Variants in ELP6 observed in about 807,000 individuals in gnomAD.
ELP6 encodes elongator complex protein 6.
A neutral mutation model predicts 28.1 loss-of-function variants in ELP6; 23 were observed. The observed-to-expected ratio is 0.82, with a 90% confidence interval of 0.59 to 1.16. The LOEUF (loss-of-function observed/expected upper bound fraction) is 1.16, where lower values mean the gene tolerates loss of function less well. Among genes scored for constraint, ELP6 ranks in the 50% most tolerant of loss-of-function variants. The pLI, the probability that ELP6 is intolerant of heterozygous loss-of-function variation, is 0.00. For synonymous variants in ELP6, 132 were observed against 135.8 expected, an observed-to-expected ratio of 0.97 and a Z score of 0.19; for missense variants, 313 against 334.6, an observed-to-expected ratio of 0.94 and a Z score of 0.50.
intron 6 of ELP6, chr3:47,497,263 C>T (rs2108068550): frequency 2.0e-6 from 2 of 985,406 alleles, no homozygotes; most frequent in African/African-American, 3.5e-5. Flanking sequence ...TGCCCAAGTA[C>T]TCCAATTGTT....
intron 5 of ELP6, chr3:47,500,231 A>G: frequency 9.3e-7 from 1 of 1,078,666 alleles, no homozygotes; most frequent in Non-Finnish European, 1.1e-6. Context: ...GAAAAAAAGA[A>G]GTAGCGAACA....
At chr3:47,511,532 A>G in intron 1 of ELP6, 1 of 952,634 alleles carries the variant, frequency 1.0e-6, no homozygotes, top group African/African-American at 1.8e-5. Context: ...CTCAGGAACC[A>G]GTCTTAGGAA....
intron 2 of ELP6, among the ~76,000 whole-genome samples, chr3:47,510,523 G>C (rs778124054): frequency 1.1e-4 from 17 of 152,122 alleles, no homozygotes; most frequent in Non-Finnish European, 2.2e-4. Flanking sequence ...GTCCAGGCTA[G>C]AGTGGCACAA....
chr3:47,499,791 T>G lies in ELP6; in HGVS notation c.526-1359A>C, dbSNP rs531955649. On this transcript the variant is annotated intron_variant, in intron 5 of 6. Coordinates refer to ENST00000296149, the MANE Select transcript of ELP6 (RefSeq NM_001031703.3). ...CAGCATGGCCAGGCCGGGGTCTGAG[T>G]TGGGGTTCTGTCCCTGCTGGGCTGT... is the stretch of plus-strand genomic sequence containing the variant. The G allele has an allele frequency of 8.6e-5, 92 of 1,067,430 alleles. No homozygotes were observed. The East Asian group carries it at 2.0e-3, about 23-fold the overall frequency. The allele number at this position is 1,067,430 out of a possible 1,614,324, so 66.1% of individuals were successfully genotyped here.
chr3:47,498,146 G>C, intron 6 of ELP6, 140 bp downstream of exon 6: 1 of 1,394,102 alleles, frequency 7.2e-7, no homozygotes, highest in Non-Finnish European at 9.7e-7. Flanking sequence ...ATTACCTGAA[G>C]TCTCACAATT....
Position 47,498,448 on chromosome 3 carries a change from G to T in ELP6, c.526-16C>A. On this transcript the variant is annotated splice_polypyrimidine_tract_variant and intron_variant, in intron 5 of 6. Coordinates refer to ENST00000296149, the MANE Select transcript of ELP6 (RefSeq NM_001031703.3). ...CCATGTTTCCCTGCATCAGATACAA[G>T]ATGGAAGCCTGCTCCTTACTGGAAA... 1.2e-6 allele frequency: 2 copies of T among 1,610,100 alleles called. No homozygotes were observed. The highest frequency in any genetic ancestry group is 1.1e-5 in the South Asian group (1 of 91,048).
At position 47,501,794 on chromosome 3, in the gene ELP6, C is replaced by G. The variant is rs1708664909; in HGVS notation, c.381G>C (p.Lys127Asn). The G allele has an allele frequency of 6.2e-7, 1 of 1,613,958 alleles. No individual in the cohort carries two copies. The highest frequency in any genetic ancestry group is 1.3e-5 in the African/African-American group (1 of 74,872). Residue 127 changes from lysine (K) to asparagine (N), a missense_variant, in exon 5 of 7, where the codon AAG (lysine) becomes AAC (asparagine). Transcript: ENST00000296149. ...ACCGAGCCTCTCCACTGTCTACTGG[C>G]TTCAGGGCCTCCCGTACAAACTCAA... The part of the protein sequence containing the change: ...PLFEFVREAL[K>N]PVDSGEARWT...
chr3:47,504,310 T>G lies in ELP6; in HGVS notation c.323+20A>C. 1 of 1,580,098 alleles carries G rather than the reference T, an allele frequency of 6.3e-7. No homozygotes were observed. Among genetic ancestry groups the G allele is most frequent in the Non-Finnish European group, 8.6e-7 (1 of 1,161,238 alleles). On this transcript the variant is annotated intron_variant, in intron 4 of 6. Coordinates refer to ENST00000296149, the MANE Select transcript of ELP6 (RefSeq NM_001031703.3). ...CACCTGCCACGTGTTGCTTCCGGGCTGGGCTGTAGGCTGACTGACCTGAGA... is the reference window on the plus strand; with the variant it reads ...CACCTGCCACGTGTTGCTTCCGGGCGGGGCTGTAGGCTGACTGACCTGAGA...
chr3:47,497,908 G>A (rs936524756), intron 6 of ELP6: 4 of 976,676 alleles, frequency 4.1e-6, no homozygotes, highest in Non-Finnish European at 4.9e-6. Flanking sequence ...TCTAGCCTAG[G>A]TGACAGAGCA....
intron 5 of ELP6, chr3:47,499,717 A>T (rs1373127655): frequency 1.0e-6 from 1 of 969,310 alleles, no homozygotes; most frequent in African/African-American, 1.8e-5. Context: ...AAAAAAAAGA[A>T]TAGTAATAAA....
At chr3:47,501,424 C>G in intron 5 of ELP6, 2 of 557,650 alleles carry the variant, frequency 3.6e-6, no homozygotes, top group Non-Finnish European at 6.4e-6. Context: ...CACACATAAC[C>G]AGCCCCACTG....
At chr3:47,496,929 C>T in intron 6 of ELP6, 1 of 985,458 alleles carries the variant, frequency 1.0e-6, no homozygotes, top group South Asian at 4.7e-5. Context: ...CTGCTGACTA[C>T]AATGCTCTGG....
chr3:47,504,620 C>T, intron 3 of ELP6, 172 bp from the exon 4 acceptor site: 1 of 985,344 alleles, frequency 1.0e-6, no homozygotes, highest in Non-Finnish European at 1.2e-6. Context: ...CCATAATGCC[C>T]CAACTGTTTT....
chr3:47,511,034 C>T (rs1370250493), intron 2 of ELP6, 114 bp downstream of exon 2: 2 of 864,348 alleles, frequency 2.3e-6, no homozygotes, highest in East Asian at 2.5e-5. Flanking sequence ...CTAGGTATCC[C>T]AACACCAAGG....
chr3:47,511,974 ACC>A, intron 1 of ELP6: 1 of 984,054 alleles, frequency 1.0e-6, no homozygotes, highest in Non-Finnish European at 1.2e-6. Flanking sequence ...ACATCGTCAG[ACC>A]TTCAGTGTTA....
At chr3:47,513,006 T>G in intron 1 of ELP6, 1 of 981,796 alleles carries the variant, frequency 1.0e-6, no homozygotes. Context: ...TTTTTTTTTT[T>G]TTGAGGTGGA....
intron 4 of ELP6, chr3:47,502,688 A>T (rs115008467): frequency 1.2e-4 from 44 of 378,238 alleles, no homozygotes; most frequent in South Asian, 3.3e-4. Context: ...AAATTTTTTT[A>T]AATTAGCCAG....
chr3:47,512,098 G>A (rs1709032228), intron 1 of ELP6: 2 of 984,482 alleles, frequency 2.0e-6, no homozygotes, highest in Non-Finnish European at 2.4e-6. Context: ...AGAGTCATCT[G>A]GACAAGAACT....
At chr3:47,511,545 A>G in intron 1 of ELP6, 1 of 925,342 alleles carries the variant, frequency 1.1e-6, no homozygotes. Context: ...CTTAGGAAGA[A>G]TTGGATCCTG....
Sources: gnomAD v4.1 joint callset for allele counts (sites outside exome capture counted in the v4.1 genomes callset) on GRCh38, gnomAD v4.1.1 for gene constraint, MANE v1.5 for transcripts, NCBI Gene and HGNC (gene_info 2026-07-23, HGNC 2026-07-21) for gene names.